SLC6A14: variants seen among roughly 807,000 people sequenced by gnomAD.
SLC6A14 encodes solute carrier family 6 member 14, also known as sodium- and chloride-dependent neutral and basic amino acid transporter B(0+).
In SLC6A14, 21 loss-of-function variants were observed where a neutral mutation model predicts 51.4. That is an observed-to-expected ratio of 0.41 (90% confidence interval 0.29 to 0.59). SLC6A14 has a LOEUF of 0.59. Ranked by LOEUF, SLC6A14 falls within the 20% of genes least tolerant of loss-of-function variation. The pLI is 0.31. For synonymous variants in SLC6A14, 177 were observed against 160.7 expected, an observed-to-expected ratio of 1.10 and a Z score of -0.77; for missense variants, 371 against 472.8, an observed-to-expected ratio of 0.78 and a Z score of 2.00.
At chrX:116,451,896 G>A (rs1319388195) in intron 8 of SLC6A14, among the ~76,000 whole-genome samples, 1 of 111,768 alleles carries the variant, frequency 8.9e-6, no homozygotes, top group Non-Finnish European at 1.9e-5. Flanking sequence ...AAGATAGGAT[G>A]TTTAATTTTG....
At chrX:116,452,715 TTAAAAAA>T (rs1206439489) in intron 8 of SLC6A14, among the ~76,000 whole-genome samples, 1 of 111,447 alleles carries the variant, frequency 9.0e-6, no homozygotes, top group East Asian at 2.8e-4. Flanking sequence ...TTTGTCAATC[TTAAAAAA>T]TAAGATAAGT....
At chrX:116,445,496 G>C (rs12858125) in intron 6 of SLC6A14, among the ~76,000 whole-genome samples, 19,479 of 101,001 alleles carry the variant, frequency 0.19, 1,620 homozygotes, top group Admixed American at 0.27. Flanking sequence ...GAGAGAGAGA[G>C]AGAGAGAGAA....
At chrX:116,443,534 G>A in intron 4 of SLC6A14, 109 bp from the exon 5 acceptor site, 1 of 531,467 alleles carries the variant, frequency 1.9e-6, no homozygotes, top group Non-Finnish European at 2.8e-6. Context: ...CTTTTTTCAA[G>A]TAACAATTTT....
intron 10 of SLC6A14, among the ~76,000 whole-genome samples, 154 bp from the exon 11 acceptor site, chrX:116,454,823 T>C (rs1343324513): frequency 8.9e-6 from 1 of 112,108 alleles, no homozygotes; most frequent in Non-Finnish European, 1.9e-5. Context: ...AAGTCACATT[T>C]GAGTTTACAT....
intron 6 of SLC6A14, among the ~76,000 whole-genome samples, chrX:116,446,180 T>C (rs1190164277): frequency 9.7e-6 from 1 of 102,683 alleles, no homozygotes; most frequent in African/African-American, 3.4e-5. Flanking sequence ...TCTGGAACCA[T>C]GTGTTATCTA....
intron 2 of SLC6A14, 27 bp from the exon 3 acceptor site, chrX:116,440,939 G>T (rs1270585653): frequency 1.4e-5 from 17 of 1,204,094 alleles, no homozygotes; most frequent in Non-Finnish European, 1.8e-5. Flanking sequence ...CTGTAATAGT[G>T]CTTTGGTTCT....
At chrX:116,439,479 C>A (rs1476919411) in intron 2 of SLC6A14, among the ~76,000 whole-genome samples, 2 of 111,064 alleles carry the variant, frequency 1.8e-5, no homozygotes, top group African/African-American at 6.5e-5. Context: ...ATATTTTTAT[C>A]TGTATATTCT....
chrX:116,437,225 T>A (rs1403338334), intron 1 of SLC6A14, among the ~76,000 whole-genome samples: 1 of 111,697 alleles, frequency 9.0e-6, no homozygotes, highest in Non-Finnish European at 1.9e-5. Flanking sequence ...TTGATTTTAA[T>A]CTGTAAGACA....
rs143526377 is a variant in SLC6A14, at chrX:116,446,812, G to T, written c.861G>T (p.Glu287Asp). ...LILLVRGATL[E>D]GASKGISYYI... is the part of the protein sequence containing the mutation. ...TGTTAGTACGAGGTGCAACTCTGGA[G>T]GGTGCTTCAAAAGGCATTTCATACT... Residue 287 changes from glutamate to aspartate, a missense_variant, in exon 7 of 14, where the codon GAG becomes GAT. Physicochemically the swap from Glu to Asp is conservative, Grantham distance 45. This residue lies in a region of SLC6A14 where 277 missense variants were observed against 391.8 expected (regional missense o/e 0.71). Transcript: ENST00000598581. The T allele has an allele frequency of 1.7e-6, 2 of 1,203,795 alleles. No individual in the cohort carries two copies. Among genetic ancestry groups the T allele is most frequent in the Non-Finnish European group, 2.2e-6 (2 of 890,160 alleles).
At chrX:116,446,590 A>T in intron 6 of SLC6A14, 151 bp from the exon 7 acceptor site, 1 of 399,029 alleles carries the variant, frequency 2.5e-6, no homozygotes, top group Non-Finnish European at 4.4e-6. Context: ...ACAAATAAGA[A>T]ATTATGCTAA....
At chrX:116,446,993 T>C (rs1927727432) in intron 7 of SLC6A14, 112 bp downstream of exon 7, 34 of 582,428 alleles carry the variant, frequency 5.8e-5, no homozygotes, top group Non-Finnish European at 8.4e-5. Flanking sequence ...CAAAATAATA[T>C]ACAGTTAAAT....
At position 116,460,177 on chromosome X, in the gene SLC6A14, C is replaced by T. The variant is rs1928015674; in HGVS notation, c.*1222C>T. ...CATATGAAACCAAAATTATATGGAACATTTTCTGTGTGTACATGTACATGC... is the reference window on the plus strand; with the variant it reads ...CATATGAAACCAAAATTATATGGAATATTTTCTGTGTGTACATGTACATGC... On this transcript the variant is annotated 3_prime_UTR_variant, in exon 14 of 14. Coordinates refer to ENST00000598581, the MANE Select transcript of SLC6A14 (RefSeq NM_007231.5). The T allele has an allele frequency of 2.7e-5, 3 of 111,304 alleles. No homozygotes were observed. The highest frequency in any genetic ancestry group is 5.7e-5 in the Non-Finnish European group (3 of 53,015). 9.2% of individuals were successfully genotyped at this position (111,304 alleles called of 1,213,427 possible).
intron 9 of SLC6A14, 92 bp downstream of exon 9, chrX:116,453,234 C>A: frequency 1.3e-6 from 1 of 741,956 alleles, no homozygotes; most frequent in African/African-American, 2.2e-5. Flanking sequence ...ACCCCTATTA[C>A]CCCCTCTAGC....
At chrX:116,448,764 C>T (rs1556694215) in intron 7 of SLC6A14, among the ~76,000 whole-genome samples, 1 of 111,179 alleles carries the variant, frequency 9.0e-6, no homozygotes, top group African/African-American at 3.3e-5. Flanking sequence ...TTTGTAGTTC[C>T]TTGAAATCAT....
intron 2 of SLC6A14, among the ~76,000 whole-genome samples, chrX:116,438,791 G>A (rs1602509518): frequency 8.9e-6 from 1 of 112,113 alleles, no homozygotes; most frequent in South Asian, 3.6e-4. Context: ...CTGGGTACCA[G>A]TGAGACTGTG....
intron 13 of SLC6A14, among the ~76,000 whole-genome samples, chrX:116,458,013 C>T (rs782594930): frequency 9.0e-5 from 10 of 111,402 alleles, no homozygotes; most frequent in Admixed American, 3.8e-4. Context: ...TGGGGAAAGT[C>T]GGGTCTTATT....
rs1410983164 is a variant in SLC6A14, at chrX:116,445,094, A to G, written c.789+44A>G. The G allele has an allele frequency of 2.7e-6, 3 of 1,107,515 alleles. No homozygotes were observed. The African/African-American group carries it at 5.6e-5, about 21-fold the overall frequency. 91.3% of individuals were successfully genotyped at this position (1,107,515 alleles called of 1,213,427 possible). A position where few individuals can be genotyped will look rare whatever the true frequency, so the allele number is the denominator to read the frequency against. ...TAGATAGCGATATAGCAGCTTTCCA[A>G]TTTCATGGTAGTTCAATATCAAGCA... On this transcript the variant is annotated intron_variant, in intron 6 of 13. Coordinates refer to ENST00000598581, the MANE Select transcript of SLC6A14 (RefSeq NM_007231.5).
chrX:116,443,731 C>T lies in SLC6A14; in HGVS notation c.597C>T (p.Thr199=). ...NKSWVDINNF[T]CINGSEIYQP... Reference sequence around the variant, plus strand: ...GCTGGGTAGACATCAACAATTTTACCTGCATCAACGGCAGTGAAATTTATC... The same window carrying T: ...GCTGGGTAGACATCAACAATTTTACTTGCATCAACGGCAGTGAAATTTATC... The change falls in exon 5 of 14, where the codon ACC becomes ACT. Residue 199 remains threonine (T), a synonymous_variant. Coordinates refer to ENST00000598581, the MANE Select transcript of SLC6A14 (RefSeq NM_007231.5). 1 of 1,206,163 alleles carries T rather than the reference C, an allele frequency of 8.3e-7. No individual in the cohort carries two copies. The highest frequency in any genetic ancestry group is 1.1e-6 in the Non-Finnish European group (1 of 891,919).
At chrX:116,436,900 C>A in intron 1 of SLC6A14, 143 bp downstream of exon 1, 1 of 476,526 alleles carries the variant, frequency 2.1e-6, no homozygotes, top group Non-Finnish European at 3.5e-6. Context: ...CTGAGATATA[C>A]CTATAGAGTA....
Sources: gnomAD v4.1 joint callset for allele counts (sites outside exome capture counted in the v4.1 genomes callset) on GRCh38, gnomAD v4.1.1 for gene constraint, gnomAD v4.1.1 regional missense constraint, MANE v1.5 for transcripts, NCBI Gene and HGNC (gene_info 2026-07-23, HGNC 2026-07-21) for gene names.